Variants in STYX observed in about 807,000 individuals in gnomAD.
STYX encodes the protein serine/threonine/tyrosine interacting protein.
A neutral mutation model predicts 42.7 loss-of-function variants in STYX; 20 were observed. That is an observed-to-expected ratio of 0.47 (90% CI 0.33 to 0.68). The LOEUF (loss-of-function observed/expected upper bound fraction) is 0.68, where lower values mean the gene tolerates loss of function less well. STYX is among the 30% of genes least tolerant of loss of function. STYX has a pLI of 0.02. For synonymous variants in STYX, 78 were observed against 81.9 expected (o/e 0.95, Z 0.26); for missense variants, 226 against 268.5 (o/e 0.84, Z 1.11).
intron 5 of STYX, 79 bp downstream of exon 5, chr14:52,756,690 T>A: frequency 1.5e-6 from 1 of 653,252 alleles, no homozygotes; most frequent in Non-Finnish European, 2.4e-6. Context: ...TTTTTTTTTT[T>A]TTTTTTTTTT....
chr14:52,751,217 TTTAC>T (rs1201103596), intron 4 of STYX, among the ~76,000 whole-genome samples: 1 of 152,116 alleles, frequency 6.6e-6, no homozygotes, highest in Non-Finnish European at 1.5e-5. Context: ...GGCTTTCTTT[TTTAC>T]TTTATATTTT....
intron 5 of STYX, among the ~76,000 whole-genome samples, chr14:52,756,976 C>T (rs999830115): frequency 1.3e-5 from 2 of 152,060 alleles, no homozygotes; most frequent in African/African-American, 4.8e-5. Context: ...CGTGAGCCAC[C>T]GTGCCCAGCC....
At chr14:52,756,802 C>G (rs1881888427) in intron 5 of STYX, among the ~76,000 whole-genome samples, 191 bp downstream of exon 5, 1 of 150,522 alleles carries the variant, frequency 6.6e-6, no homozygotes, top group Non-Finnish European at 1.5e-5. Flanking sequence ...ATTTTTCTGC[C>G]TCAGCCTCCC....
At chr14:52,757,446 A>C in intron 6 of STYX, 91 bp downstream of exon 6, 1 of 1,206,658 alleles carries the variant, frequency 8.3e-7, no homozygotes, top group Non-Finnish European at 1.2e-6. Flanking sequence ...CAGGATATGG[A>C]AGTTACAATT....
intron 10 of STYX, among the ~76,000 whole-genome samples, chr14:52,770,778 A>G (rs1882480761): frequency 6.6e-6 from 1 of 152,098 alleles, no homozygotes; most frequent in South Asian, 2.1e-4. Flanking sequence ...TTTTCACACT[A>G]TTTCAAAAAT....
chr14:52,735,067 A>AG (rs1356725711), intron 1 of STYX, among the ~76,000 whole-genome samples: 1 of 152,112 alleles, frequency 6.6e-6, no homozygotes, highest in Non-Finnish European at 1.5e-5. Flanking sequence ...AAAAAAAAAA[A>AG]AAGTAATTAA....
intron 1 of STYX, among the ~76,000 whole-genome samples, chr14:52,731,173 T>A (rs1483345715): frequency 6.6e-6 from 1 of 152,226 alleles, no homozygotes; most frequent in Non-Finnish European, 1.5e-5. Flanking sequence ...CCCTGCCTGC[T>A]GTTTCTACTC....
At chr14:52,765,254 G>A (rs1013427542) in intron 9 of STYX, among the ~76,000 whole-genome samples, 10 of 151,726 alleles carry the variant, frequency 6.6e-5, no homozygotes, top group African/African-American at 1.7e-4. Flanking sequence ...TCACTCTGTC[G>A]CCCAGGCTGG....
At chr14:52,756,452 C>A in intron 4 of STYX, 99 bp from the exon 5 acceptor site, 1 of 701,630 alleles carries the variant, frequency 1.4e-6, no homozygotes, top group Non-Finnish European at 2.4e-6. Flanking sequence ...AGTTGTTTTG[C>A]ATTCTTGCCA....
intron 1 of STYX, among the ~76,000 whole-genome samples, chr14:52,735,728 T>G (rs8003782): frequency 0.51 from 76,951 of 151,938 alleles, 19,575 homozygotes; most frequent in Middle Eastern, 0.59. Context: ...TAATAAAAAC[T>G]GAATTCAAGC....
intron 3 of STYX, among the ~76,000 whole-genome samples, chr14:52,748,740 ATGTGCATCGTCT>A (rs1432289960): frequency 6.6e-6 from 1 of 152,194 alleles, no homozygotes; most frequent in Non-Finnish European, 1.5e-5. Flanking sequence ...ATACATAATT[ATGTGCATCGTCT>A]TGTGCTTTCT....
At chr14:52,762,208 C>A (rs1050824650) in intron 9 of STYX, among the ~76,000 whole-genome samples, 9 of 152,010 alleles carry the variant, frequency 5.9e-5, no homozygotes, top group Non-Finnish European at 8.8e-5. Context: ...TTTTTGTGAT[C>A]ATTTGTTGGT....
intron 2 of STYX, 79 bp downstream of exon 2, chr14:52,744,963 T>G: frequency 7.9e-7 from 1 of 1,262,850 alleles, no homozygotes; most frequent in South Asian, 1.3e-5. Context: ...ATTTGAGACC[T>G]GCTGATTTCA....
chr14:52,768,033 C>G (rs973291397), intron 9 of STYX, among the ~76,000 whole-genome samples: 1 of 152,086 alleles, frequency 6.6e-6, no homozygotes, highest in Admixed American at 6.6e-5. Context: ...CCCACCTTCT[C>G]CCATAGGCCA....
chr14:52,768,257 T>C (rs1329109311), intron 9 of STYX, among the ~76,000 whole-genome samples: 1 of 152,166 alleles, frequency 6.6e-6, no homozygotes, highest in East Asian at 1.9e-4. Flanking sequence ...ATGTAACTAT[T>C]GCCGAAGTAT....
chr14:52,743,963 A>G (rs1338990304), intron 1 of STYX, among the ~76,000 whole-genome samples: 1 of 151,654 alleles, frequency 6.6e-6, no homozygotes, highest in Non-Finnish European at 1.5e-5. Flanking sequence ...ATGGGATTAC[A>G]GGCAGGCTCC....
intron 1 of STYX, among the ~76,000 whole-genome samples, chr14:52,735,887 C>A (rs10483617): frequency 6.6e-5 from 10 of 152,096 alleles, no homozygotes; most frequent in Admixed American, 2.6e-4. Context: ...TTAGATCAGT[C>A]AGTTTGTGAA....
intron 1 of STYX, among the ~76,000 whole-genome samples, chr14:52,732,515 C>T (rs1302066322): frequency 2.6e-5 from 4 of 151,416 alleles, no homozygotes; most frequent in African/African-American, 4.9e-5. Context: ...CCTTGTGATC[C>T]GCCTGGCTTG....
At chr14:52,760,913 C>T (rs2139925087) in intron 9 of STYX, among the ~76,000 whole-genome samples, 1 of 152,198 alleles carries the variant, frequency 6.6e-6, no homozygotes, top group South Asian at 2.1e-4. Flanking sequence ...GTATCCATCC[C>T]CTCAATCATT....
Sources: gnomAD v4.1 joint callset for allele counts (sites outside exome capture counted in the v4.1 genomes callset) on GRCh38, gnomAD v4.1.1 for gene constraint, MANE v1.5 for transcripts, NCBI Gene and HGNC (gene_info 2026-07-23, HGNC 2026-07-21) for gene names.